The following UNC5C variants were observed in gnomAD, a reference collection of about 807,000 sequenced individuals.
The protein encoded by UNC5C is unc-5 netrin receptor C.
Under a neutral mutation model 99.8 loss-of-function variants are expected in UNC5C, and 47 were observed. The observed-to-expected ratio is 0.47, with a 90% CI of 0.37 to 0.60. The LOEUF (loss-of-function observed/expected upper bound fraction) is 0.60. UNC5C is among the 20% of genes least tolerant of loss of function. The pLI is 0.00. For synonymous variants in UNC5C, 487 were observed against 452.2 expected (o/e 1.08, Z -0.98); for missense variants, 1,062 against 1,165.9 (o/e 0.91, Z 1.30).
chr4:95,277,316 T>C (rs1740898641), intron 4 of UNC5C, among the ~76,000 whole-genome samples: 1 of 152,192 alleles, frequency 6.6e-6, no homozygotes, highest in Non-Finnish European at 1.5e-5. Context: ...CAGTGTAGTT[T>C]GGAGGCCAAC....
At chr4:95,192,172 C>A (rs1737148566) in intron 12 of UNC5C, among the ~76,000 whole-genome samples, 1 of 140,722 alleles carries the variant, frequency 7.1e-6, no homozygotes, top group Non-Finnish European at 1.5e-5. Context: ...TCTTCCCCTG[C>A]TCACCTCCTC....
chr4:95,430,191 A>C (rs1746595759), intron 1 of UNC5C, among the ~76,000 whole-genome samples: 1 of 152,126 alleles, frequency 6.6e-6, no homozygotes, highest in African/African-American at 2.4e-5. Context: ...ATGTAGGTTC[A>C]TCAACTGTAA....
intron 10 of UNC5C, among the ~76,000 whole-genome samples, chr4:95,213,590 A>C (rs1309553642): frequency 2.0e-5 from 3 of 152,288 alleles, no homozygotes; most frequent in African/African-American, 7.2e-5. Context: ...TGCCACATGT[A>C]ATTAAGTTCA....
intron 2 of UNC5C, among the ~76,000 whole-genome samples, chr4:95,326,884 A>G (rs1014056282): frequency 2.0e-5 from 3 of 152,184 alleles, no homozygotes; most frequent in Non-Finnish European, 2.9e-5. Flanking sequence ...GAATGTAGTC[A>G]ATTTTTCTTA....
intron 1 of UNC5C, among the ~76,000 whole-genome samples, chr4:95,537,962 T>C (rs1225734780): frequency 6.6e-6 from 1 of 152,220 alleles, no homozygotes; most frequent in Non-Finnish European, 1.5e-5. Context: ...CATGTTAATA[T>C]GTGCTTCTAT....
intron 1 of UNC5C, among the ~76,000 whole-genome samples, chr4:95,536,998 G>A (rs1722797901): frequency 6.6e-6 from 1 of 152,154 alleles, no homozygotes; most frequent in South Asian, 2.1e-4. Flanking sequence ...ATTAAGAAAT[G>A]CATGTATGAA....
Position 95,301,595 on chromosome 4 carries a change from C to G in UNC5C, c.490+11G>C. 1 of 1,613,936 alleles carries G rather than the reference C, an allele frequency of 6.2e-7. No homozygotes were observed. The highest frequency in any genetic ancestry group is 8.5e-7 in the Non-Finnish European group (1 of 1,179,926). On this transcript the variant is annotated intron_variant, in intron 3 of 15. Coordinates refer to ENST00000453304, the MANE Select transcript of UNC5C (RefSeq NM_003728.4). Reference sequence around the variant, plus strand: ...TCTGAGACCCAAGGTGCTTATTGTACAATGACTCACATGCAATGCGCACAT... The same window carrying G: ...TCTGAGACCCAAGGTGCTTATTGTAGAATGACTCACATGCAATGCGCACAT...
chr4:95,170,384 A>G lies in UNC5C; in HGVS notation c.2452-52T>C, dbSNP rs370221029. ...AGCATTATTTCTGAGGACAAAAGCA[A>G]TCTCTATTGAACCAATCAACATAAT... On this transcript the variant is annotated intron_variant, in intron 14 of 15. Transcript: ENST00000453304. 7.6e-6 allele frequency: 12 copies of G among 1,586,752 alleles called. No individual in the cohort carries two copies. The African/African-American group carries it at 9.4e-5, about 12-fold the overall frequency.
At chr4:95,450,304 C>A (rs1207335065) in intron 1 of UNC5C, among the ~76,000 whole-genome samples, 1 of 152,198 alleles carries the variant, frequency 6.6e-6, no homozygotes, top group Non-Finnish European at 1.5e-5. Flanking sequence ...ACTGAGGCCT[C>A]AAGCTCCTGG....
chr4:95,320,571 A>G (rs1742652242), intron 2 of UNC5C, among the ~76,000 whole-genome samples: 1 of 152,112 alleles, frequency 6.6e-6, no homozygotes, highest in South Asian at 2.1e-4. Flanking sequence ...TCATATTAAA[A>G]CTCAGGCCAC....
chr4:95,534,141 TAA>T (rs1722718622), intron 1 of UNC5C, among the ~76,000 whole-genome samples: 2 of 152,260 alleles, frequency 1.3e-5, no homozygotes, highest in South Asian at 2.1e-4. Flanking sequence ...GCTAAAAAAA[TAA>T]AAGAGTGTTA....
chr4:95,279,727 A>G (rs555119629), intron 3 of UNC5C, among the ~76,000 whole-genome samples: 4 of 152,318 alleles, frequency 2.6e-5, no homozygotes, highest in African/African-American at 9.6e-5. Context: ...TGATAAAGAC[A>G]TAAGAATCTG....
chr4:95,404,610 C>G lies in UNC5C; in HGVS notation c.125-68979G>C, dbSNP rs140650026. On this transcript the variant is annotated intron_variant, in intron 1 of 15. Coordinates refer to ENST00000453304, the MANE Select transcript of UNC5C (RefSeq NM_003728.4). ...CAGGGAGAATTCATCTTAATGATCT[C>G]TAAGAGTGCTACTGATGTGGACAGG... 2.0e-3 allele frequency among the ~76,000 whole-genome samples: 304 copies of G among 152,214 alleles called. 2 individuals carry two copies. The highest frequency in any genetic ancestry group is 7.0e-3 in the African/African-American group (292 of 41,516).
intron 1 of UNC5C, among the ~76,000 whole-genome samples, chr4:95,418,922 G>A (rs1307864019): frequency 1.3e-5 from 2 of 151,952 alleles, no homozygotes; most frequent in Admixed American, 6.6e-5. Flanking sequence ...CTCCTGCCCC[G>A]ACTTCAGAAT....
chr4:95,379,045 C>A (rs1402141633), intron 1 of UNC5C, among the ~76,000 whole-genome samples: 1 of 152,022 alleles, frequency 6.6e-6, no homozygotes, highest in Non-Finnish European at 1.5e-5. Flanking sequence ...CTAAGGATAA[C>A]TTATTGGTTC....
intron 1 of UNC5C, among the ~76,000 whole-genome samples, chr4:95,478,141 CT>C (rs1461600602): frequency 6.6e-6 from 1 of 151,996 alleles, no homozygotes; most frequent in African/African-American, 2.4e-5. Flanking sequence ...CTTACACCCA[CT>C]CTTAATTGAC....
intron 3 of UNC5C, among the ~76,000 whole-genome samples, chr4:95,283,967 C>A (rs907570173): frequency 3.3e-5 from 5 of 152,160 alleles, no homozygotes; most frequent in African/African-American, 9.7e-5. Context: ...TTAATAAATC[C>A]ATACACTGAA....
At chr4:95,222,339 T>G in intron 7 of UNC5C, 1 of 839,142 alleles carries the variant, frequency 1.2e-6, no homozygotes, top group Non-Finnish European at 1.7e-6. Context: ...ATAGGAAGCA[T>G]GAAAAATGGT....
chr4:95,374,718 G>A (rs1167884980), intron 1 of UNC5C, among the ~76,000 whole-genome samples: 3 of 152,132 alleles, frequency 2.0e-5, no homozygotes, highest in East Asian at 1.9e-4. Context: ...TCTGGAGAGG[G>A]AGGCCCAGGG....
Sources: gnomAD v4.1 joint callset for allele counts (sites outside exome capture counted in the v4.1 genomes callset) on GRCh38, gnomAD v4.1.1 for gene constraint, MANE v1.5 for transcripts, NCBI Gene and HGNC (gene_info 2026-07-23, HGNC 2026-07-21) for gene names.